TENM4: variants seen among roughly 807,000 people sequenced by gnomAD.
The protein encoded by TENM4 is teneurin-4.
TENM4 carries 82 observed loss-of-function variants against 243.3 expected under a neutral mutation model. The ratio of observed to expected loss-of-function variants is 0.34; its 90% confidence interval spans 0.28 to 0.40. The LOEUF is 0.40. TENM4 is among the 10% of genes least tolerant of loss of function. TENM4 has a pLI of 1.00. For missense variants in TENM4, 3,138 were observed against 3,673.3 expected, an observed-to-expected ratio of 0.85 and a Z score of 3.77; for synonymous variants, 1,412 against 1,456.3, an observed-to-expected ratio of 0.97 and a Z score of 0.69.
intron 1 of TENM4, among the ~76,000 whole-genome samples, chr11:79,328,252 T>C (rs1256980214): frequency 1.3e-5 from 2 of 152,234 alleles, no homozygotes; most frequent in African/African-American, 4.8e-5. Context: ...GAGGATGCTA[T>C]GGCTCAGAAA....
intron 2 of TENM4, among the ~76,000 whole-genome samples, chr11:79,237,874 C>T (rs867918892): frequency 3.3e-5 from 5 of 152,184 alleles, no homozygotes; most frequent in Middle Eastern, 3.4e-3. Context: ...TCCAGATAAT[C>T]AAAGTTCTCT....
At chr11:79,063,695 C>T (rs897576403) in intron 6 of TENM4, among the ~76,000 whole-genome samples, 1 of 152,174 alleles carries the variant, frequency 6.6e-6, no homozygotes, top group Non-Finnish European at 1.5e-5. Context: ...GACTCAGAGC[C>T]CCTCAGAATT....
In TENM4 at chr11:79,010,909, A is replaced by G. The variant is rs550138061; in HGVS notation, c.493+53829T>C. Among the ~76,000 whole-genome samples the G allele has an allele frequency of 1.3e-4, 20 of 152,312 alleles. No individual in the cohort carries two copies. The South Asian group carries it at 4.1e-3, about 32-fold the overall frequency. On this transcript the variant is annotated intron_variant, in intron 6 of 33. Coordinates refer to ENST00000278550, the MANE Select transcript of TENM4 (RefSeq NM_001098816.3). ...TTAGGAGAAAGAAGACAGGCTTTAG[A>G]GTCAGACTCTGCCCCTTACTAGCTG...
At chr11:79,423,332 C>T (rs1858977479) in intron 1 of TENM4, among the ~76,000 whole-genome samples, 1 of 151,790 alleles carries the variant, frequency 6.6e-6, no homozygotes, top group Non-Finnish European at 1.5e-5. Flanking sequence ...AACCGAGGCC[C>T]AGGGAAGTGA....
intron 3 of TENM4, among the ~76,000 whole-genome samples, chr11:79,161,691 C>T (rs571610866): frequency 3.3e-5 from 5 of 152,294 alleles, no homozygotes; most frequent in Non-Finnish European, 5.9e-5. Context: ...TTAGCCTGTC[C>T]AACTGTGATA....
intron 7 of TENM4, among the ~76,000 whole-genome samples, chr11:78,892,656 T>C (rs1489998655): frequency 6.6e-6 from 1 of 152,258 alleles, no homozygotes; most frequent in Non-Finnish European, 1.5e-5. Context: ...GTATAATAGT[T>C]ACTACCTACC....
At chr11:79,272,805 G>A (rs1189926662) in intron 2 of TENM4, among the ~76,000 whole-genome samples, 1 of 152,108 alleles carries the variant, frequency 6.6e-6, no homozygotes, top group Non-Finnish European at 1.5e-5. Context: ...TGCTGCCATG[G>A]CATTCCATAT....
chr11:79,313,666 A>G (rs1189009610), intron 1 of TENM4, among the ~76,000 whole-genome samples: 4 of 152,144 alleles, frequency 2.6e-5, no homozygotes, highest in Non-Finnish European at 4.4e-5. Context: ...CCAGCAGGCC[A>G]TTGTCCTCCA....
At chr11:78,792,200 C>T (rs1415022179) in intron 15 of TENM4, among the ~76,000 whole-genome samples, 1 of 152,164 alleles carries the variant, frequency 6.6e-6, no homozygotes, top group Non-Finnish European at 1.5e-5. Context: ...CCAAGTAACC[C>T]AGCAGAGGAA....
At chr11:79,172,633 C>T (rs1000050262) in intron 3 of TENM4, among the ~76,000 whole-genome samples, 1 of 151,554 alleles carries the variant, frequency 6.6e-6, no homozygotes, top group Non-Finnish European at 1.5e-5. Flanking sequence ...GCTTAGACAA[C>T]AGCAGGAGTG....
chr11:79,305,603 T>C (rs1420934861), intron 1 of TENM4, among the ~76,000 whole-genome samples: 1 of 152,042 alleles, frequency 6.6e-6, no homozygotes, highest in Non-Finnish European at 1.5e-5. Context: ...AGTACAAGCT[T>C]TAGAAGGAGA....
At chr11:79,228,772 A>G (rs2135255913) in intron 2 of TENM4, among the ~76,000 whole-genome samples, 1 of 152,338 alleles carries the variant, frequency 6.6e-6, no homozygotes, top group East Asian at 1.9e-4. Flanking sequence ...AAAAATTGCC[A>G]CGATAGCACA....
chr11:79,231,500 C>T (rs1864372896), intron 2 of TENM4, among the ~76,000 whole-genome samples: 2 of 152,092 alleles, frequency 1.3e-5, no homozygotes, highest in African/African-American at 4.8e-5. Context: ...TGACTTCAGG[C>T]ATTCTGGATA....
At chr11:79,017,446 AG>A (rs1032335966) in intron 6 of TENM4, among the ~76,000 whole-genome samples, 1 of 152,198 alleles carries the variant, frequency 6.6e-6, no homozygotes, top group African/African-American at 2.4e-5. Context: ...AGACCTGTTT[AG>A]TATGCAACCT....
chr11:78,726,770 C>CT (rs11387760), intron 22 of TENM4, among the ~76,000 whole-genome samples: 61,686 of 152,080 alleles, frequency 0.41, 14,645 homozygotes, highest in African/African-American at 0.67. Flanking sequence ...CCCGCTTTGC[C>CT]TCTGTCATGA....
Position 78,656,973 on chromosome 11 carries a change from C to G in TENM4, c.*1085G>C, listed in dbSNP as rs1054258024. ...TCAAAGGCCACCAAGCACCTCCCTC[C>G]ACATTCCTACGTCTCAGTGGTGGCG... On this transcript the variant is annotated 3_prime_UTR_variant, in exon 34 of 34. Transcript: ENST00000278550. 2.5e-6 allele frequency: 1 copy of G among 398,452 alleles called. No individual in the cohort carries two copies. Among genetic ancestry groups the G allele is most frequent in the African/African-American group, 2.1e-5 (1 of 48,624 alleles). The allele number at this position is 398,452 out of a possible 1,614,324, so 24.7% of individuals were successfully genotyped here. A position where few individuals can be genotyped will look rare whatever the true frequency, so the allele number is the denominator to read the frequency against.
chr11:78,930,507 A>G (rs1016234778), intron 6 of TENM4, among the ~76,000 whole-genome samples: 4 of 152,174 alleles, frequency 2.6e-5, no homozygotes, highest in Admixed American at 1.3e-4. Flanking sequence ...TTACTCATCC[A>G]TTAGCTGTGT....
At chr11:78,912,507 C>A (rs749616592) in intron 6 of TENM4, among the ~76,000 whole-genome samples, 1 of 152,188 alleles carries the variant, frequency 6.6e-6, no homozygotes, top group Admixed American at 6.5e-5. Flanking sequence ...TGGCCCGCCT[C>A]GGCCTCCCAA....
At chr11:79,412,701 C>A (rs187096173) in intron 1 of TENM4, among the ~76,000 whole-genome samples, 3 of 152,290 alleles carry the variant, frequency 2.0e-5, no homozygotes, top group African/African-American at 7.2e-5. Flanking sequence ...AATACTCATC[C>A]CATCTCCCAG....
Sources: allele counts gnomAD v4.1 joint callset (sites outside exome capture counted in the v4.1 genomes callset), GRCh38; gene constraint gnomAD v4.1.1; transcripts MANE v1.5; gene names NCBI Gene and HGNC (gene_info 2026-07-23, HGNC 2026-07-21).